The following ABCB11 variants were observed in gnomAD, a reference collection of about 807,000 sequenced individuals.
ABCB11 encodes the protein bile salt export pump.
A neutral mutation model predicts 148.0 loss-of-function variants in ABCB11; 95 were observed. The observed-to-expected ratio is 0.64, with a 90% CI of 0.54 to 0.76. The LOEUF (loss-of-function observed/expected upper bound fraction) is 0.76. ABCB11 is among the 30% of genes least tolerant of loss of function. The pLI, the probability that ABCB11 is intolerant of heterozygous loss-of-function variation, is 0.00. For missense variants in ABCB11, 1,523 were observed against 1,617.8 expected (o/e 0.94, Z 1.01); for synonymous variants, 591 against 555.4 (o/e 1.06, Z -0.90).
Position 168,930,970 on chromosome 2 carries a change from A to T in ABCB11, c.3214-108T>A, listed in dbSNP as rs542309849. ...TCCCTGCTTGAGATACCTTCAAACCATGCTGCCAAAGTGCAAAGTATAAAG... is the reference window on the plus strand; with the variant it reads ...TCCCTGCTTGAGATACCTTCAAACCTTGCTGCCAAAGTGCAAAGTATAAAG... On this transcript the variant is annotated intron_variant, in intron 24 of 27. Transcript: ENST00000650372. 3.4e-5 allele frequency: 34 copies of T among 993,074 alleles called. No homozygotes were observed. In the African/African-American group the frequency reaches 5.0e-4, roughly 15 times the overall value. 61.5% of individuals were successfully genotyped at this position (993,074 alleles called of 1,614,324 possible).
chr2:168,940,455 G>A lies in ABCB11; in HGVS notation c.2611-4022C>T, dbSNP rs569625105. Among the ~76,000 whole-genome samples the A allele has an allele frequency of 2.0e-5, 3 of 152,168 alleles. No homozygotes were observed. In the South Asian group the frequency reaches 6.2e-4, roughly 32 times the overall value. The stretch of plus-strand genomic sequence containing the variant: ...ATTGCCTTAAGCCAAACCTAATTCA[G>A]AACAAGGCCCTAACTCTCTTCAATT... On this transcript the variant is annotated intron_variant, in intron 21 of 27. Coordinates refer to ENST00000650372, the MANE Select transcript of ABCB11 (RefSeq NM_003742.4).
intron 25 of ABCB11, among the ~76,000 whole-genome samples, chr2:168,930,374 G>A (rs1306753944): frequency 1.3e-5 from 2 of 152,100 alleles, no homozygotes; most frequent in African/African-American, 4.8e-5. Flanking sequence ...CCATTTACGG[G>A]TAAGTGAGTG....
chr2:168,947,064 G>T (rs1436491826), intron 19 of ABCB11, among the ~76,000 whole-genome samples: 2 of 151,732 alleles, frequency 1.3e-5, no homozygotes, highest in Non-Finnish European at 2.9e-5. Flanking sequence ...TTTACTAGTT[G>T]TAGTTTTGGC....
intron 18 of ABCB11, among the ~76,000 whole-genome samples, chr2:168,962,934 A>C (rs1371388586): frequency 6.6e-6 from 1 of 151,748 alleles, no homozygotes; most frequent in Non-Finnish European, 1.5e-5. Flanking sequence ...CCTGTGTTAG[A>C]AATTGAGACC....
intron 4 of ABCB11, 66 bp downstream of exon 4, chr2:169,014,237 T>TGGGG: frequency 1.4e-6 from 2 of 1,440,312 alleles, no homozygotes; most frequent in Non-Finnish European, 2.0e-6. Flanking sequence ...GATTTAACAC[T>TGGGG]CCCCTCATGA....
chr2:168,923,378 T>G lies in ABCB11; in HGVS notation c.*244A>C. The G allele has an allele frequency of 1.8e-6, 1 of 565,500 alleles. No homozygotes were observed. The highest frequency in any genetic ancestry group is 3.1e-6 in the Non-Finnish European group (1 of 319,062). The allele number at this position is 565,500 out of a possible 1,614,324, so 35.0% of individuals were successfully genotyped here. A position where few individuals can be genotyped will look rare whatever the true frequency, so the allele number is the denominator to read the frequency against. ...CTGAGCTGCCACTTGACATTGGGTTTTCCCTCATATGGACCCTAGTTTCTT... is the reference window on the plus strand; with the variant it reads ...CTGAGCTGCCACTTGACATTGGGTTGTCCCTCATATGGACCCTAGTTTCTT... On this transcript the variant is annotated 3_prime_UTR_variant, in exon 28 of 28. Coordinates refer to ENST00000650372, the MANE Select transcript of ABCB11 (RefSeq NM_003742.4).
intron 21 of ABCB11, among the ~76,000 whole-genome samples, chr2:168,941,925 GA>G (rs1447360729): frequency 6.6e-6 from 1 of 151,920 alleles, no homozygotes; most frequent in African/African-American, 2.4e-5. Context: ...TATGCACTAG[GA>G]AGTGAAAAAA....
At chr2:168,935,508 G>A in intron 22 of ABCB11, 83 bp from the exon 23 acceptor site, 1 of 1,496,408 alleles carries the variant, frequency 6.7e-7, no homozygotes, top group South Asian at 1.3e-5. Context: ...TGGATTAGAT[G>A]GTGCAAATGG....
chr2:168,954,272 AT>A (rs1471025261), intron 19 of ABCB11, among the ~76,000 whole-genome samples: 1 of 149,146 alleles, frequency 6.7e-6, no homozygotes, highest in African/African-American at 2.5e-5. Context: ...ATGCCATTTT[AT>A]TTTTTTCTCT....
At chr2:168,920,067 G>C (rs913383643), downstream of ABCB11, among the ~76,000 whole-genome samples, 1 of 151,860 alleles carries the variant, frequency 6.6e-6, no homozygotes, top group Non-Finnish European at 1.5e-5. Context: ...GGTTTCGCCA[G>C]GTTGCCCAGG....
chr2:169,019,862 T>A (rs534352356), intron 1 of ABCB11, among the ~76,000 whole-genome samples: 80 of 152,328 alleles, frequency 5.3e-4, no homozygotes, highest in African/African-American at 1.9e-3. Context: ...AATTTTACAC[T>A]GAGCCAAAAA....
At chr2:168,947,720 G>A (rs1692390335) in intron 19 of ABCB11, among the ~76,000 whole-genome samples, 1 of 151,736 alleles carries the variant, frequency 6.6e-6, no homozygotes, top group South Asian at 2.1e-4. Context: ...ATAGTGGTTT[G>A]TTCGGCATCA....
chr2:168,968,254 G>A (rs954813698), intron 17 of ABCB11, among the ~76,000 whole-genome samples, 173 bp downstream of exon 17: 1 of 151,764 alleles, frequency 6.6e-6, no homozygotes, highest in African/African-American at 2.4e-5. Flanking sequence ...GAATTGGGGA[G>A]AGAAATGTCA....
At chr2:168,938,128 C>A (rs1403029682) in intron 21 of ABCB11, among the ~76,000 whole-genome samples, 1 of 152,196 alleles carries the variant, frequency 6.6e-6, no homozygotes, top group Non-Finnish European at 1.5e-5. Context: ...CATCTTTATA[C>A]TGAATTGAAG....
At chr2:168,999,926 G>A (rs899857386) in intron 5 of ABCB11, among the ~76,000 whole-genome samples, 1 of 152,016 alleles carries the variant, frequency 6.6e-6, no homozygotes, top group Non-Finnish European at 1.5e-5. Flanking sequence ...CTATGACATG[G>A]TTTGAATGGC....
chr2:168,942,195 T>A (rs1385811016), intron 21 of ABCB11, among the ~76,000 whole-genome samples: 1 of 147,216 alleles, frequency 6.8e-6, no homozygotes, highest in African/African-American at 2.5e-5. Context: ...AAAAAATACA[T>A]GAGAAAAAGT....
At chr2:169,013,545 G>A (rs757203090) in intron 4 of ABCB11, 35 bp from the exon 5 acceptor site, 4 of 1,558,266 alleles carry the variant, frequency 2.6e-6, no homozygotes, top group Middle Eastern at 1.7e-4. Flanking sequence ...TCATCTATGG[G>A]TGAAGAGCAG....
rs774220052 is a variant in ABCB11 at position 168,922,073 on chromosome 2, T to G, written c.*1549A>C. Among the ~76,000 whole-genome samples the G allele has an allele frequency of 1.3e-5, 2 of 152,022 alleles. No individual in the cohort carries two copies. The highest frequency in any genetic ancestry group is 2.9e-5 in the Non-Finnish European group (2 of 67,992). On this transcript the variant is annotated 3_prime_UTR_variant, in exon 28 of 28. Coordinates refer to ENST00000650372, the MANE Select transcript of ABCB11 (RefSeq NM_003742.4). ...ACCATGTTAGCCAGGATGGTCTCAA[T>G]CTCTCGACCTCATGATCCGCCCGCC...
intron 5 of ABCB11, among the ~76,000 whole-genome samples, chr2:169,009,843 A>C (rs1018042888): frequency 9.9e-5 from 15 of 152,208 alleles, no homozygotes; most frequent in Admixed American, 7.2e-4. Flanking sequence ...TGAATTTTAT[A>C]GTATGTGAAT....
Sources: allele counts gnomAD v4.1 joint callset (sites outside exome capture counted in the v4.1 genomes callset), GRCh38; gene constraint gnomAD v4.1.1; transcripts MANE v1.5; gene names NCBI Gene and HGNC (gene_info 2026-07-23, HGNC 2026-07-21).